PPM1L: variants seen among roughly 807,000 people sequenced by gnomAD.
PPM1L encodes protein phosphatase, Mg2+/Mn2+ dependent 1L.
A neutral mutation model predicts 31.4 loss-of-function variants in PPM1L; 13 were observed. The observed-to-expected ratio is 0.41, with a 90% CI of 0.27 to 0.66. The LOEUF (loss-of-function observed/expected upper bound fraction) is 0.66, where lower values mean the gene tolerates loss of function less well. PPM1L is among the 30% of genes least tolerant of loss of function. The pLI, the probability that PPM1L is intolerant of heterozygous loss-of-function variation, is 0.29. For synonymous variants in PPM1L, 184 were observed against 175.4 expected, an observed-to-expected ratio of 1.05 and a Z score of -0.39; for missense variants, 326 against 453.7, an observed-to-expected ratio of 0.72 and a Z score of 2.56.
chr3:160,895,701 T>C (rs575129232), intron 1 of PPM1L, among the ~76,000 whole-genome samples: 5 of 152,330 alleles, frequency 3.3e-5, no homozygotes, highest in African/African-American at 1.2e-4. Flanking sequence ...CTTCTTTTAA[T>C]AGGGACATCA....
chr3:160,878,554 T>C (rs1213483440), intron 1 of PPM1L, among the ~76,000 whole-genome samples: 1 of 152,166 alleles, frequency 6.6e-6, no homozygotes, highest in Non-Finnish European at 1.5e-5. Flanking sequence ...GGCCCCACCC[T>C]TGTGACCTCA....
At chr3:160,822,574 A>G (rs539186048) in intron 1 of PPM1L, among the ~76,000 whole-genome samples, 2 of 152,204 alleles carry the variant, frequency 1.3e-5, no homozygotes, top group South Asian at 2.1e-4. Flanking sequence ...AAAACATTGC[A>G]TATTTATTTT....
chr3:161,006,332 T>C (rs1001427631), intron 2 of PPM1L, among the ~76,000 whole-genome samples: 20 of 152,142 alleles, frequency 1.3e-4, no homozygotes, highest in African/African-American at 4.1e-4. Context: ...AGTTAAATGA[T>C]GGGTGCCAGA....
intron 2 of PPM1L, among the ~76,000 whole-genome samples, chr3:161,046,602 A>G (rs1471881597): frequency 6.6e-6 from 1 of 152,236 alleles, no homozygotes; most frequent in East Asian, 1.9e-4. Flanking sequence ...GGCCAGCATC[A>G]TCCTGATACC....
intron 1 of PPM1L, among the ~76,000 whole-genome samples, chr3:160,947,461 C>T (rs939567463): frequency 5.3e-5 from 8 of 152,066 alleles, no homozygotes; most frequent in African/African-American, 1.9e-4. Context: ...CTGTGAACCT[C>T]CTCATCATTT....
In PPM1L at chr3:161,072,861, G is replaced by T. The variant is rs940452797; in HGVS notation, c.*3704G>T. 6 of 152,154 alleles carry T rather than the reference G, an allele frequency of 3.9e-5. No homozygotes were observed. Among genetic ancestry groups the T allele is most frequent in the Non-Finnish European group, 8.8e-5 (6 of 68,030 alleles). The allele number at this position is 152,154 out of a possible 1,614,324, so 9.4% of individuals were successfully genotyped here. The stretch of plus-strand genomic sequence containing the variant: ...GTATAAAACTTTTCCAATGATTTCA[G>T]AAATTCTTTTTTCCTCCTTTTGACC... On this transcript the variant is annotated 3_prime_UTR_variant, in exon 4 of 4. Transcript: ENST00000498165.
At chr3:160,945,363 C>T (rs749621891) in intron 1 of PPM1L, among the ~76,000 whole-genome samples, 6 of 151,978 alleles carry the variant, frequency 3.9e-5, no homozygotes, top group South Asian at 2.1e-4. Flanking sequence ...TTTATAAAGA[C>T]GGATGTTTGG....
intron 1 of PPM1L, among the ~76,000 whole-genome samples, chr3:160,930,823 A>G (rs1200634962): frequency 8.7e-6 from 1 of 114,480 alleles, no homozygotes; most frequent in Admixed American, 9.8e-5. Flanking sequence ...GCTGGGTTGT[A>G]GATTCACTGC....
intron 1 of PPM1L, among the ~76,000 whole-genome samples, chr3:160,944,802 C>CATATATAACATATATATGTT (rs1358089367): frequency 2.2e-3 from 32 of 14,320 alleles, no homozygotes; most frequent in Admixed American, 3.6e-3. Flanking sequence ...TTATATATAA[C>CATATATAACATATATATGTT]ATATATAACA....
At chr3:161,057,476 A>G (rs1248479428) in intron 2 of PPM1L, among the ~76,000 whole-genome samples, 1 of 152,100 alleles carries the variant, frequency 6.6e-6, no homozygotes, top group African/African-American at 2.4e-5. Flanking sequence ...TTATTGTTAT[A>G]CAAAGGGGTA....
At position 161,068,902 on chromosome 3, in the gene PPM1L, C is replaced by T. The variant is rs952397683; in HGVS notation, c.828C>T (p.Asn276=). 8.1e-6 allele frequency: 13 copies of T among 1,614,016 alleles called. No individual in the cohort carries two copies. The East Asian group carries it at 1.1e-4, about 14-fold the overall frequency. The change falls in exon 4 of 4, where the codon AAC becomes AAT. Residue 276 remains asparagine, a synonymous_variant. Transcript: ENST00000498165. ...SLGDYPLKNL[N]VVIPDPDILT... is the part of the protein sequence containing the mutation. Reference sequence around the variant, plus strand: ...GGGATTATCCGCTGAAAAATCTCAACGTGGTCATCCCAGACCCAGACATCC... The same window carrying T: ...GGGATTATCCGCTGAAAAATCTCAATGTGGTCATCCCAGACCCAGACATCC...
intron 2 of PPM1L, among the ~76,000 whole-genome samples, chr3:160,997,114 G>A (rs932756837): frequency 6.6e-6 from 1 of 152,108 alleles, no homozygotes; most frequent in African/African-American, 2.4e-5. Flanking sequence ...AAAAGGTAGT[G>A]GTTGGAGAGA....
chr3:160,849,939 T>C (rs1021481761), intron 1 of PPM1L, among the ~76,000 whole-genome samples: 10 of 152,146 alleles, frequency 6.6e-5, no homozygotes, highest in African/African-American at 2.2e-4. Flanking sequence ...CTAAAATATG[T>C]GGAGGTTTTT....
chr3:160,963,947 G>C (rs1420088813), intron 2 of PPM1L, among the ~76,000 whole-genome samples: 1 of 151,958 alleles, frequency 6.6e-6, no homozygotes, highest in East Asian at 1.9e-4. Flanking sequence ...CTTCCACCAG[G>C]TTAATACTGG....
chr3:160,844,186 T>A (rs1334365389), intron 1 of PPM1L, among the ~76,000 whole-genome samples: 1 of 152,224 alleles, frequency 6.6e-6, no homozygotes, highest in African/African-American at 2.4e-5. Flanking sequence ...TGGGTAGAAC[T>A]TAAAGCAAGT....
chr3:161,012,175 A>G (rs1216098611), intron 2 of PPM1L, among the ~76,000 whole-genome samples: 1 of 152,088 alleles, frequency 6.6e-6, no homozygotes, highest in African/African-American at 2.4e-5. Flanking sequence ...AGCTCTTATT[A>G]TTTTGAGGTA....
intron 1 of PPM1L, among the ~76,000 whole-genome samples, chr3:160,912,450 T>C (rs372619567): frequency 9.5e-4 from 145 of 152,328 alleles, no homozygotes; most frequent in African/African-American, 3.3e-3. Context: ...TACCAGGGTG[T>C]GTACTCTTCA....
At chr3:160,988,735 TTAAC>T (rs1448082415) in intron 2 of PPM1L, among the ~76,000 whole-genome samples, 2 of 152,182 alleles carry the variant, frequency 1.3e-5, no homozygotes. Flanking sequence ...CAGCCAGTCT[TTAAC>T]TATCAAAGCC....
chr3:161,069,456 T>C lies in PPM1L; in HGVS notation c.*299T>C. 1 of 340,430 alleles carries C rather than the reference T, an allele frequency of 2.9e-6. No homozygotes were observed. 21.1% of individuals were successfully genotyped at this position (340,430 alleles called of 1,614,324 possible). ...TGAAGTGAATAGCATATGTGTCATT[T>C]AGTCTCCCTGAAGATTCTTTTCAAG... is the stretch of plus-strand genomic sequence containing the variant. On this transcript the variant is annotated 3_prime_UTR_variant, in exon 4 of 4. Coordinates refer to ENST00000498165, the MANE Select transcript of PPM1L (RefSeq NM_139245.4).
Sources: allele counts gnomAD v4.1 joint callset (sites outside exome capture counted in the v4.1 genomes callset), GRCh38; gene constraint gnomAD v4.1.1; transcripts MANE v1.5; gene names NCBI Gene and HGNC (gene_info 2026-07-23, HGNC 2026-07-21).